TMCO6: variants seen among roughly 807,000 people sequenced by gnomAD.
TMCO6 encodes transmembrane and coiled-coil domain-containing protein 6.
A neutral mutation model predicts 61.8 loss-of-function variants in TMCO6; 47 were observed. The ratio of observed to expected loss-of-function variants is 0.76; its 90% CI spans 0.60 to 0.97. The LOEUF is 0.97. Ranked by LOEUF, TMCO6 falls within the 50% of genes least tolerant of loss-of-function variation. TMCO6 has a pLI of 0.00. For synonymous variants in TMCO6, 261 were observed against 254.2 expected (o/e 1.03, Z -0.25); for missense variants, 557 against 601.6 (o/e 0.93, Z 0.78).
At chr5:140,647,327 T>G, downstream of TMCO6, 1 of 1,603,080 alleles carries the variant, frequency 6.2e-7, no homozygotes, top group Non-Finnish European at 8.5e-7. Flanking sequence ...GGGATTCGCC[T>G]TCTTCAGCTC....
At position 140,640,677 on chromosome 5, in the gene TMCO6, G is replaced by A. The variant is rs192586885; in HGVS notation, c.198+826G>A. Reference sequence around the variant, plus strand: ...CTCCCAAAGTGCTGGGATTACAGGCGTGAGCCACTGTGCCCGGCCACCTAC... The same window carrying A: ...CTCCCAAAGTGCTGGGATTACAGGCATGAGCCACTGTGCCCGGCCACCTAC... On this transcript the variant is annotated intron_variant, in intron 2 of 11. Coordinates refer to ENST00000394671, the MANE Select transcript of TMCO6 (RefSeq NM_018502.5). 2.8e-3 allele frequency among the ~76,000 whole-genome samples: 424 copies of A among 152,304 alleles called. 3 individuals carry two copies. Among genetic ancestry groups the A allele is most frequent in the Middle Eastern group, 0.014 (4 of 294 alleles).
the TMCO6 span, among the ~76,000 whole-genome samples, chr5:140,607,739 A>G: frequency 6.7e-6 from 1 of 150,264 alleles, no homozygotes; most frequent in Non-Finnish European, 1.5e-5. Context: ...GTTGTTGATT[A>G]GTGCTATACT....
the TMCO6 span, among the ~76,000 whole-genome samples, chr5:140,602,648 C>T: frequency 6.6e-6 from 1 of 152,094 alleles, no homozygotes; most frequent in East Asian, 1.9e-4. Flanking sequence ...CCTATAATCC[C>T]AGCTACTTGG....
the TMCO6 span, among the ~76,000 whole-genome samples, chr5:140,611,044 T>A: frequency 6.6e-6 from 1 of 152,164 alleles, no homozygotes; most frequent in East Asian, 1.9e-4. Context: ...CCTGTAAGAA[T>A]TAAAGAGGAA....
the TMCO6 span, among the ~76,000 whole-genome samples, chr5:140,600,792 TTATAATAC>T: frequency 6.6e-6 from 1 of 152,116 alleles, no homozygotes; most frequent in South Asian, 2.1e-4. Flanking sequence ...TGCCTTCTGT[TTATAATAC>T]TAGGGAGGGG....
chr5:140,644,245 G>A (rs897046557), intron 10 of TMCO6, 51 bp downstream of exon 10: 2 of 1,575,048 alleles, frequency 1.3e-6, no homozygotes, highest in East Asian at 2.2e-5. Flanking sequence ...GATTGTATGG[G>A]ACAGCAGTCC....
upstream of TMCO6, among the ~76,000 whole-genome samples, chr5:140,637,392 G>T (rs1252039906): frequency 6.6e-6 from 1 of 152,184 alleles, no homozygotes; most frequent in African/African-American, 2.4e-5. Flanking sequence ...TGGGAATTCA[G>T]TTTTATGCAG....
chr5:140,597,140 A>G, the TMCO6 span, among the ~76,000 whole-genome samples: 1 of 152,254 alleles, frequency 6.6e-6, no homozygotes, highest in Non-Finnish European at 1.5e-5. Context: ...CTGATCATCC[A>G]CATTTGGTGT....
At chr5:140,616,638 G>A in the TMCO6 span, among the ~76,000 whole-genome samples, 3 of 152,222 alleles carry the variant, frequency 2.0e-5, no homozygotes, top group Admixed American at 6.5e-5. Flanking sequence ...GAGTAAAAAC[G>A]CAATGTATGG....
the TMCO6 span, among the ~76,000 whole-genome samples, chr5:140,614,204 T>A: frequency 6.7e-6 from 1 of 149,062 alleles, no homozygotes; most frequent in African/African-American, 2.5e-5. Flanking sequence ...CGGCCATCTC[T>A]CATCTTAAAA....
chr5:140,629,855 C>A, the TMCO6 span, among the ~76,000 whole-genome samples: 9 of 150,824 alleles, frequency 6.0e-5, no homozygotes, highest in East Asian at 1.8e-3. Flanking sequence ...TTTGCTTGAA[C>A]CTGGGAGGTG....
At chr5:140,627,133 C>T in the TMCO6 span, among the ~76,000 whole-genome samples, 14,943 of 152,000 alleles carry the variant, frequency 0.098, 779 homozygotes, top group Middle Eastern at 0.14. Context: ...ACTTTCCTTA[C>T]GCACTTTCCA....
At chr5:140,600,761 G>T in the TMCO6 span, among the ~76,000 whole-genome samples, 5 of 152,246 alleles carry the variant, frequency 3.3e-5, no homozygotes, top group Admixed American at 1.3e-4. Flanking sequence ...AGTGGGCCTG[G>T]CCCCAAAGGG....
chr5:140,636,671 C>CTG (rs1323916711), upstream of TMCO6, among the ~76,000 whole-genome samples: 1 of 151,926 alleles, frequency 6.6e-6, no homozygotes, highest in Non-Finnish European at 1.5e-5. Flanking sequence ...TGGATGGATA[C>CTG]TGGGAGAGAA....
chr5:140,644,792 G>A (rs894462313), intron 11 of TMCO6, 52 bp downstream of exon 11: 8 of 1,604,822 alleles, frequency 5.0e-6, no homozygotes, highest in Non-Finnish European at 8.5e-7. Flanking sequence ...AAGCCACACA[G>A]TGGCTCCCTT....
intron 2 of TMCO6, 36 bp from the exon 3 acceptor site, chr5:140,641,629 A>G: frequency 1.3e-6 from 2 of 1,589,028 alleles, no homozygotes; most frequent in South Asian, 2.2e-5. Flanking sequence ...GCTTTCTGTG[A>G]ACCGTGTGTT....
the TMCO6 span, among the ~76,000 whole-genome samples, chr5:140,626,557 T>C: frequency 6.6e-6 from 1 of 152,204 alleles, no homozygotes; most frequent in South Asian, 2.1e-4. Flanking sequence ...TTGTATCCCA[T>C]TAGAGGTCAT....
chr5:140,614,983 T>C, the TMCO6 span, among the ~76,000 whole-genome samples: 1 of 152,142 alleles, frequency 6.6e-6, no homozygotes, highest in Non-Finnish European at 1.5e-5. Context: ...ATAGAAGGCA[T>C]CCAAATTGGA....
upstream of TMCO6, among the ~76,000 whole-genome samples, chr5:140,637,970 T>C (rs1223678717): frequency 1.4e-5 from 2 of 144,622 alleles, no homozygotes; most frequent in Non-Finnish European, 3.0e-5. Flanking sequence ...TTCTTTCTTT[T>C]CTCCCTTTCT....
Sources: gnomAD v4.1 joint callset for allele counts (sites outside exome capture counted in the v4.1 genomes callset) on GRCh38, gnomAD v4.1.1 for gene constraint, MANE v1.5 for transcripts, NCBI Gene and HGNC (gene_info 2026-07-23, HGNC 2026-07-21) for gene names.